Variants in KIF21B observed in about 807,000 individuals in gnomAD.
KIF21B encodes the protein kinesin-like protein KIF21B.
A neutral mutation model predicts 192.9 loss-of-function variants in KIF21B; 85 were observed. That is an observed-to-expected ratio of 0.44 (90% CI 0.37 to 0.53). The LOEUF (loss-of-function observed/expected upper bound fraction) is 0.53, where lower values mean the gene tolerates loss of function less well. Among genes scored for constraint, KIF21B ranks in the 20% least tolerant of loss-of-function variants. KIF21B has a pLI of 0.00. For missense variants in KIF21B, 1,716 were observed against 2,194.8 expected (o/e 0.78, Z 4.36); for synonymous variants, 832 against 884.6 (o/e 0.94, Z 1.05).
intron 5 of KIF21B, 53 bp from the exon 6 acceptor site, chr1:201,004,986 C>T (rs1256527936): frequency 1.9e-6 from 3 of 1,561,390 alleles, no homozygotes; most frequent in African/African-American, 2.7e-5. Context: ...CTCACTGGCT[C>T]CCCTGATCAC....
intron 1 of KIF21B, among the ~76,000 whole-genome samples, chr1:201,022,200 T>C (rs966828074): frequency 1.3e-5 from 2 of 152,156 alleles, no homozygotes; most frequent in African/African-American, 4.8e-5. Context: ...AGAAAGCTTT[T>C]TCATTGCCAT....
chr1:201,008,725 G>A (rs1316867021), intron 3 of KIF21B, 44 bp downstream of exon 3: 1 of 1,528,118 alleles, frequency 6.5e-7, no homozygotes, highest in Admixed American at 1.9e-5. Context: ...TGGTCCTGTT[G>A]TCCACCAAGC....
intron 32 of KIF21B, 71 bp downstream of exon 32, chr1:200,976,705 C>G (rs928807178): frequency 7.2e-6 from 7 of 968,736 alleles, no homozygotes; most frequent in Non-Finnish European, 9.3e-6. Context: ...TGGGTACTCC[C>G]AGGGCAACAG....
chr1:201,014,162 C>T (rs562687066), intron 1 of KIF21B, among the ~76,000 whole-genome samples: 1 of 152,392 alleles, frequency 6.6e-6, no homozygotes, highest in East Asian at 1.9e-4. Context: ...GCTGAGCTTC[C>T]TCTGTTCACA....
chr1:200,983,864 A>G (rs1014210687), intron 27 of KIF21B, among the ~76,000 whole-genome samples: 4 of 152,222 alleles, frequency 2.6e-5, no homozygotes, highest in Non-Finnish European at 2.9e-5. Context: ...TCCTGGGCTC[A>G]GCATTCATCA....
Position 201,008,765 on chromosome 1 carries a change from G to A in KIF21B, c.447+4C>T. 1.3e-6 allele frequency: 2 copies of A among 1,592,368 alleles called. No individual in the cohort carries two copies. Among genetic ancestry groups the A allele is most frequent in the East Asian group, 2.2e-5 (1 of 44,780 alleles). On this transcript the variant is annotated splice_donor_region_variant and intron_variant, in intron 3 of 34. Coordinates refer to ENST00000461742, the MANE Select transcript of KIF21B (RefSeq NM_001252102.2). ...CACCTGCCCACCCTATGGGGCCACAGTACCTCCAGAAACTGGGCGCTGACT... is the reference window on the plus strand; with the variant it reads ...CACCTGCCCACCCTATGGGGCCACAATACCTCCAGAAACTGGGCGCTGACT...
Position 200,975,291 on chromosome 1 carries a change from G to T in KIF21B, c.4614+208C>A, listed in dbSNP as rs1655467555. Among the ~76,000 whole-genome samples, 1 of 152,224 alleles carries T rather than the reference G, an allele frequency of 6.6e-6. No homozygotes were observed. The highest frequency in any genetic ancestry group is 2.1e-4 in the South Asian group (1 of 4,834). On this transcript the variant is annotated intron_variant, in intron 33 of 34. Coordinates refer to ENST00000461742, the MANE Select transcript of KIF21B (RefSeq NM_001252102.2). The surrounding 1 kb of genome is among the most constrained non-coding windows in gnomAD (Gnocchi z 4.3). Reference sequence around the variant, plus strand: ...TTGCTGAGAGCAGGTTGCCTAAGAGGGAGATGTGGCATCAGGAGAGGCCGC... The same window carrying T: ...TTGCTGAGAGCAGGTTGCCTAAGAGTGAGATGTGGCATCAGGAGAGGCCGC...
Position 200,973,476 on chromosome 1 carries a change from G to C in KIF21B, c.*45C>G. On this transcript the variant is annotated 3_prime_UTR_variant, in exon 35 of 35. Coordinates refer to ENST00000461742, the MANE Select transcript of KIF21B (RefSeq NM_001252102.2). ...CACAGCTTCCCTTCCATGGTGTCCA[G>C]GCTGCTGGGGTCGAGGGTCCGGGGG... 1 of 1,408,302 alleles carries C rather than the reference G, an allele frequency of 7.1e-7. No individual in the cohort carries two copies. The highest frequency in any genetic ancestry group is 1.6e-5 in the South Asian group (1 of 63,768). The allele number at this position is 1,408,302 out of a possible 1,614,324, so 87.2% of individuals were successfully genotyped here.
intron 8 of KIF21B, chr1:201,003,087 T>A (rs1237330784): frequency 2.9e-5 from 5 of 170,466 alleles, no homozygotes; most frequent in Admixed American, 2.8e-4. Flanking sequence ...ACCTCATTCA[T>A]TCTTCAAAAT....
At chr1:200,991,856 T>G in intron 16 of KIF21B, 131 bp from the exon 17 acceptor site, 1 of 937,642 alleles carries the variant, frequency 1.1e-6, no homozygotes, top group Non-Finnish European at 1.6e-6. Flanking sequence ...AAACTCTTGA[T>G]AAAGTGGGAC....
rs16847502 is a variant in KIF21B at position 200,998,614 on chromosome 1, G to A, written c.1886-39C>T. ...ATCAGGCTCAGCCCAGCGTTAGGGC[G>A]AGGGGCAAATTGGGGAGCAGATGTG... On this transcript the variant is annotated intron_variant, in intron 13 of 34. Coordinates refer to ENST00000461742, the MANE Select transcript of KIF21B (RefSeq NM_001252102.2). The surrounding 1 kb of genome is among the most constrained non-coding windows in gnomAD (Gnocchi z 4.3). 29,181 of 1,589,184 alleles carry A rather than the reference G, an allele frequency of 0.018. 1,268 individuals are homozygous for A. Among genetic ancestry groups the A allele is most frequent in the East Asian group, 0.11 (4,881 of 44,448 alleles).
In KIF21B at chr1:201,023,646, C is replaced by G. The variant is rs969377405; in HGVS notation, c.-263G>C. 1 of 150,796 alleles carries G rather than the reference C, an allele frequency of 6.6e-6. No homozygotes were observed. Among genetic ancestry groups the G allele is most frequent in the South Asian group, 2.0e-4 (1 of 5,118 alleles). 9.3% of individuals were successfully genotyped at this position (150,796 alleles called of 1,614,324 possible). A position where few individuals can be genotyped will look rare whatever the true frequency, so the allele number is the denominator to read the frequency against. ...GCTGACAGCCGGCGGCGCGACCCGC[C>G]GCTCCCTACGGCGCGGCACACGCGC... On this transcript the variant is annotated 5_prime_UTR_variant, in exon 1 of 35. Transcript: ENST00000461742. This position sits in a 1 kb window ranked among gnomAD's most constrained non-coding sequence, Gnocchi z 5.9.
chr1:200,976,947 T>G, intron 31 of KIF21B, 54 bp from the exon 32 acceptor site: 1 of 1,396,412 alleles, frequency 7.2e-7, no homozygotes, highest in Non-Finnish European at 1.0e-6. Context: ...GGACCCTGGG[T>G]TGGGGTGGGG....
Position 200,982,257 on chromosome 1 carries a change from G to A in KIF21B, c.3842+799C>T, listed in dbSNP as rs1655981280. 6.6e-6 allele frequency among the ~76,000 whole-genome samples: 1 copy of A among 152,202 alleles called. No individual in the cohort carries two copies. Among genetic ancestry groups the A allele is most frequent in the Admixed American group, 6.5e-5 (1 of 15,280 alleles). On this transcript the variant is annotated intron_variant, in intron 28 of 34. Coordinates refer to ENST00000461742, the MANE Select transcript of KIF21B (RefSeq NM_001252102.2). The surrounding 1 kb of genome is among the most constrained non-coding windows in gnomAD (Gnocchi z 4.7). The stretch of plus-strand genomic sequence containing the variant: ...ATCATGCTCCCCCCGATGACAGCCT[G>A]GCCAGCTGGCTAACATCTTGTGGTG...
At chr1:201,003,529 G>A in intron 8 of KIF21B, 57 bp downstream of exon 8, 1 of 1,545,994 alleles carries the variant, frequency 6.5e-7, no homozygotes, top group Non-Finnish European at 8.9e-7. Flanking sequence ...GGCAGAGGGT[G>A]CATATGGAGC....
Position 200,988,788 on chromosome 1 carries a change from G to A in KIF21B, c.3276C>T (p.Ala1092=). The change falls in exon 22 of 35, where the codon GCC becomes GCT. Residue 1092 remains alanine (A), a synonymous_variant. Coordinates refer to ENST00000461742, the MANE Select transcript of KIF21B (RefSeq NM_001252102.2). ...EKAEAHPELQ[A]LIYNVQQENG... is the part of the protein sequence containing the mutation. ...TACCCTGCTGCACATTGTAGATGAG[G>A]GCCTGCAGCTCGGGGTGAGCTTCAG... 1 of 1,613,714 alleles carries A rather than the reference G, an allele frequency of 6.2e-7. No homozygotes were observed. The highest frequency in any genetic ancestry group is 8.5e-7 in the Non-Finnish European group (1 of 1,179,784).
chr1:200,985,469 T>G (rs1427393273), intron 26 of KIF21B, among the ~76,000 whole-genome samples: 3 of 152,048 alleles, frequency 2.0e-5, no homozygotes, highest in Non-Finnish European at 4.4e-5. Flanking sequence ...GCCTGGGTGA[T>G]GAAGTAAGAC....
chr1:200,981,443 G>A (rs1034958480), intron 28 of KIF21B, among the ~76,000 whole-genome samples: 3 of 152,134 alleles, frequency 2.0e-5, no homozygotes, highest in Non-Finnish European at 4.4e-5. Flanking sequence ...ATGTGAATGC[G>A]CCCGGGTCCA....
At chr1:200,991,785 T>C in intron 16 of KIF21B, 60 bp from the exon 17 acceptor site, 1 of 1,556,028 alleles carries the variant, frequency 6.4e-7, no homozygotes, top group Non-Finnish European at 8.8e-7. Flanking sequence ...TCTCTGTCTG[T>C]GTACAGGCTG....
Sources: gnomAD v4.1 joint callset for allele counts (sites outside exome capture counted in the v4.1 genomes callset) on GRCh38, gnomAD v4.1.1 for gene constraint, Gnocchi (gnomAD v3.1) non-coding constraint, MANE v1.5 for transcripts, NCBI Gene and HGNC (gene_info 2026-07-23, HGNC 2026-07-21) for gene names.